SOX5: variants seen among roughly 807,000 people sequenced by gnomAD.
The protein encoded by SOX5 is transcription factor SOX-5.
In SOX5, 9 loss-of-function variants were observed where a neutral mutation model predicts 92.0. That is an observed-to-expected ratio of 0.10 (90% CI 0.06 to 0.17). The LOEUF (loss-of-function observed/expected upper bound fraction) is 0.17, where lower values mean the gene tolerates loss of function less well. SOX5 is among the 10% of genes least tolerant of loss of function. The pLI is 1.00. For synonymous variants in SOX5, 344 were observed against 336.3 expected (o/e 1.02, Z -0.25); for missense variants, 642 against 944.5 (o/e 0.68, Z 4.20).
chr12:24,037,443 G>A (rs2136948815), intron 4 of SOX5, among the ~76,000 whole-genome samples: 1 of 152,240 alleles, frequency 6.6e-6, no homozygotes, highest in East Asian at 1.9e-4. Context: ...TAGACTTGCT[G>A]TGAACCATGT....
intron 4 of SOX5, among the ~76,000 whole-genome samples, chr12:24,122,849 A>G (rs1948764991): frequency 6.6e-6 from 1 of 152,196 alleles, no homozygotes; most frequent in South Asian, 2.1e-4. Context: ...CAGAAAAAAA[A>G]TGTTTGAAGG....
chr12:24,018,564 G>A (rs1953934160), intron 4 of SOX5, among the ~76,000 whole-genome samples: 1 of 152,142 alleles, frequency 6.6e-6, no homozygotes. Flanking sequence ...GGGAGGCCAA[G>A]GCAGGTGGAT....
intron 3 of SOX5, among the ~76,000 whole-genome samples, chr12:23,764,364 A>G (rs1156855028): frequency 6.6e-6 from 1 of 152,104 alleles, no homozygotes; most frequent in African/African-American, 2.4e-5. Context: ...AGAAAAGAAT[A>G]CTGCAAGAAC....
At chr12:23,999,040 A>G (rs770016457) in intron 4 of SOX5, among the ~76,000 whole-genome samples, 2 of 152,012 alleles carry the variant, frequency 1.3e-5, no homozygotes, top group South Asian at 2.1e-4. Flanking sequence ...AATAAAACAC[A>G]ACCACATTAA....
At chr12:23,534,554 G>T (rs754666376) in intron 14 of SOX5, 32 bp from the exon 15 acceptor site, 4 of 1,562,088 alleles carry the variant, frequency 2.6e-6, no homozygotes, top group Non-Finnish European at 2.6e-6. Context: ...AAAAGACATC[G>T]TGGGTAAGTG....
chr12:23,826,896 G>A (rs1425862850), intron 3 of SOX5, among the ~76,000 whole-genome samples: 3 of 152,140 alleles, frequency 2.0e-5, no homozygotes, highest in South Asian at 2.1e-4. Context: ...ATTTAATTCC[G>A]TGAAACAGTG....
chr12:24,275,700 ACTTGCAACTAAATAT>A (rs1459767903), intron 3 of SOX5, among the ~76,000 whole-genome samples: 4 of 152,170 alleles, frequency 2.6e-5, no homozygotes, highest in Admixed American at 6.5e-5. Flanking sequence ...GATCTGGATC[ACTTGCAACTAAATAT>A]CTTCCAAACT....
Position 24,449,518 on chromosome 12 carries a change from G to A in SOX5, c.-250-80879C>T, listed in dbSNP as rs144952588. On this transcript the variant is annotated intron_variant, in intron 1 of 4. Transcript: ENST00000446891. ...ACTCTCTGCAGAGCAGTTACCGCTC[G>A]TTGACATTTTCATGTCGCTTTGTGT... 3.9e-3 allele frequency among the ~76,000 whole-genome samples: 587 copies of A among 152,264 alleles called. 5 individuals carry two copies. The highest frequency in any genetic ancestry group is 0.013 in the African/African-American group (540 of 41,536).
chr12:23,759,144 T>C (rs1594128195), intron 3 of SOX5, among the ~76,000 whole-genome samples: 1 of 151,852 alleles, frequency 6.6e-6, no homozygotes, highest in Non-Finnish European at 1.5e-5. Flanking sequence ...ATAGATGAAG[T>C]AAAAACTTGA....
intron 3 of SOX5, among the ~76,000 whole-genome samples, chr12:24,260,039 T>C (rs574947402): frequency 6.6e-6 from 1 of 152,140 alleles, no homozygotes; most frequent in East Asian, 1.9e-4. Context: ...TAGAAATAAA[T>C]ATTTCTTGGA....
At chr12:24,206,955 G>A (rs1958085502) in intron 4 of SOX5, among the ~76,000 whole-genome samples, 2 of 152,192 alleles carry the variant, frequency 1.3e-5, no homozygotes, top group South Asian at 4.1e-4. Context: ...ACCTGTGTCA[G>A]CTCCTATTTC....
intron 1 of SOX5, among the ~76,000 whole-genome samples, chr12:23,940,815 C>T (rs566366293): frequency 5.3e-5 from 8 of 149,626 alleles, no homozygotes; most frequent in Non-Finnish European, 1.0e-4. Flanking sequence ...ATGCTTTAGA[C>T]CCTGAACACT....
chr12:24,384,461 T>C (rs1015283843), intron 1 of SOX5, among the ~76,000 whole-genome samples: 4 of 152,088 alleles, frequency 2.6e-5, no homozygotes, highest in Non-Finnish European at 5.9e-5. Context: ...ATAAGAATCA[T>C]AGTGATGCTG....
chr12:24,070,580 GT>G (rs200168205), intron 4 of SOX5, among the ~76,000 whole-genome samples: 30 of 147,954 alleles, frequency 2.0e-4, no homozygotes, highest in African/African-American at 3.2e-4. Flanking sequence ...TTTATTTATT[GT>G]TTTTTAAAAA....
chr12:24,006,609 C>T (rs1173072943), intron 4 of SOX5, among the ~76,000 whole-genome samples: 1 of 152,116 alleles, frequency 6.6e-6, no homozygotes, highest in Admixed American at 6.5e-5. Context: ...TCTTCATCCA[C>T]TCCTTCCAGG....
intron 1 of SOX5, among the ~76,000 whole-genome samples, chr12:24,421,893 A>T (rs1305118905): frequency 6.6e-6 from 1 of 152,214 alleles, no homozygotes; most frequent in Admixed American, 6.5e-5. Flanking sequence ...CCAACCCAGG[A>T]AACTATTAGC....
chr12:24,121,976 G>GA (rs1483479149), intron 4 of SOX5, among the ~76,000 whole-genome samples: 1 of 151,210 alleles, frequency 6.6e-6, no homozygotes, highest in African/African-American at 2.4e-5. Context: ...TCAATGCAAG[G>GA]AAAAAATTCA....
At chr12:23,794,414 T>C (rs1162734900) in intron 3 of SOX5, among the ~76,000 whole-genome samples, 2 of 152,154 alleles carry the variant, frequency 1.3e-5, no homozygotes, top group African/African-American at 4.8e-5. Flanking sequence ...GCAGCTACTA[T>C]ATGTACCATT....
chr12:24,227,289 C>T (rs1045019256), intron 3 of SOX5: 3 of 152,204 alleles, frequency 2.0e-5, no homozygotes, highest in African/African-American at 7.2e-5. Context: ...GAGACCAGAG[C>T]TTCCCCAGGA....
Sources: allele counts gnomAD v4.1 joint callset (sites outside exome capture counted in the v4.1 genomes callset), GRCh38; gene constraint gnomAD v4.1.1; transcripts MANE v1.5; gene names NCBI Gene and HGNC (gene_info 2026-07-23, HGNC 2026-07-21).